SOX6: variants seen among roughly 807,000 people sequenced by gnomAD.
The protein encoded by SOX6 is transcription factor SOX-6.
SOX6 carries 11 observed loss-of-function variants against 97.8 expected under a neutral mutation model. That is an observed-to-expected ratio of 0.11 (90% CI 0.07 to 0.19). The LOEUF is 0.19. SOX6 is among the 10% of genes least tolerant of loss of function. The probability of loss-of-function intolerance (pLI) is 1.00; values close to 1 mark genes in which losing one functional copy is unlikely to be tolerated. For synonymous variants in SOX6, 360 were observed against 371.4 expected (o/e 0.97, Z 0.35); for missense variants, 810 against 1,039.5 (o/e 0.78, Z 3.04).
chr11:16,423,199 T>C lies in SOX6; in HGVS notation c.-5+53116A>G, dbSNP rs554741703. Among the ~76,000 whole-genome samples, 9 of 152,312 alleles carry C rather than the reference T, an allele frequency of 5.9e-5. No homozygotes were observed. The East Asian group carries it at 1.5e-3, about 26-fold the overall frequency. The stretch of plus-strand genomic sequence containing the variant: ...GCTTTTCTTTGAACAGACAAGCTCC[T>C]CACTCTTCAAGGCCTTTCTATACAT... On this transcript the variant is annotated intron_variant, in intron 1 of 15. Coordinates refer to the SOX6 transcript ENST00000396356.
intron 3 of SOX6, among the ~76,000 whole-genome samples, chr11:16,638,195 G>T (rs1047282319): frequency 2.6e-5 from 4 of 151,642 alleles, no homozygotes; most frequent in Non-Finnish European, 5.9e-5. Context: ...TGAGAATGAT[G>T]GTTTCCAGCT....
At chr11:16,250,388 T>A (rs991342227) in intron 3 of SOX6, among the ~76,000 whole-genome samples, 2 of 152,172 alleles carry the variant, frequency 1.3e-5, no homozygotes, top group Non-Finnish European at 2.9e-5. Context: ...TTAGAAATTA[T>A]ATCACATATA....
intron 15 of SOX6, among the ~76,000 whole-genome samples, chr11:15,983,356 C>G (rs1325575021): frequency 6.6e-6 from 1 of 151,916 alleles, no homozygotes; most frequent in East Asian, 1.9e-4. Context: ...TTCATAATAG[C>G]TAAGTAATAA....
chr11:16,037,007 C>T (rs1027838742), intron 12 of SOX6, among the ~76,000 whole-genome samples: 1 of 152,114 alleles, frequency 6.6e-6, no homozygotes, highest in Admixed American at 6.6e-5. Flanking sequence ...TTTTAGCAGA[C>T]TTTTAAAAAT....
chr11:16,703,037 T>C (rs1210010357), intron 3 of SOX6, among the ~76,000 whole-genome samples: 5 of 151,612 alleles, frequency 3.3e-5, no homozygotes, highest in Non-Finnish European at 7.4e-5. Flanking sequence ...AAAACAATTA[T>C]TGTAAGATGA....
intron 13 of SOX6, among the ~76,000 whole-genome samples, chr11:16,003,597 G>A (rs527827582): frequency 3.2e-4 from 48 of 152,028 alleles, no homozygotes; most frequent in Non-Finnish European, 6.9e-4. Context: ...AGCCAGGATG[G>A]CATAAGGTAA....
chr11:16,632,870 C>T (rs769206554), intron 3 of SOX6, among the ~76,000 whole-genome samples: 1 of 152,200 alleles, frequency 6.6e-6, no homozygotes, highest in Non-Finnish European at 1.5e-5. Context: ...GGCTTCTGAA[C>T]CAGGCAAGCA....
At chr11:16,255,994 C>A (rs1480574242) in intron 3 of SOX6, among the ~76,000 whole-genome samples, 1 of 151,952 alleles carries the variant, frequency 6.6e-6, no homozygotes, top group Non-Finnish European at 1.5e-5. Flanking sequence ...TTGAAAGATA[C>A]AATCTGCAAC....
intron 4 of SOX6, among the ~76,000 whole-genome samples, chr11:16,203,662 T>A (rs1473379529): frequency 1.3e-5 from 2 of 152,148 alleles, no homozygotes; most frequent in African/African-American, 4.8e-5. Flanking sequence ...TGCCTACATA[T>A]ACACTTTTGT....
chr11:16,307,152 G>C (rs961546007), intron 3 of SOX6, among the ~76,000 whole-genome samples: 9 of 152,160 alleles, frequency 5.9e-5, no homozygotes, highest in African/African-American at 2.2e-4. Context: ...AGAGTAATAT[G>C]TTAGGATTTT....
chr11:16,534,793 A>C (rs1861283118), intron 4 of SOX6, among the ~76,000 whole-genome samples: 1 of 152,172 alleles, frequency 6.6e-6, no homozygotes, highest in South Asian at 2.1e-4. Context: ...AGGGCCAAGC[A>C]AGAGACATTT....
In SOX6 at chr11:15,972,774, T is replaced by G. The variant is rs1853355641; in HGVS notation, c.*35A>C. On this transcript the variant is annotated 3_prime_UTR_variant, in exon 16 of 16. Coordinates refer to ENST00000683767, the MANE Select transcript of SOX6 (RefSeq NM_001367873.1). ...CTCTTTGTTGGGGAGGGGGGTGAAA[T>G]GTCAGAGTACTTTAATTCAGCAAAC... The G allele has an allele frequency of 1.9e-6, 3 of 1,612,468 alleles. No individual in the cohort carries two copies. Among genetic ancestry groups the G allele is most frequent in the Non-Finnish European group, 2.5e-6 (3 of 1,178,634 alleles).
At chr11:16,419,720 A>G (rs754729313) in intron 1 of SOX6, among the ~76,000 whole-genome samples, 12 of 152,168 alleles carry the variant, frequency 7.9e-5, no homozygotes, top group Non-Finnish European at 1.8e-4. Context: ...TTTCCTATCC[A>G]TAAACTGTTA....
chr11:16,497,844 G>A (rs4259791), intron 4 of SOX6, among the ~76,000 whole-genome samples: 26,783 of 152,164 alleles, frequency 0.18, 2,758 homozygotes, highest in Admixed American at 0.31. Flanking sequence ...CGTCTGATTC[G>A]TGTACCTGAA....
At chr11:16,142,745 G>A (rs1429591658) in intron 6 of SOX6, among the ~76,000 whole-genome samples, 1 of 152,058 alleles carries the variant, frequency 6.6e-6, no homozygotes, top group African/African-American at 2.4e-5. Flanking sequence ...GGAATAAAGG[G>A]TATCAGTGAT....
chr11:16,594,684 CTT>C (rs10653599), intron 4 of SOX6, among the ~76,000 whole-genome samples: 6 of 68,266 alleles, frequency 8.8e-5, no homozygotes, highest in East Asian at 4.9e-4. Flanking sequence ...TCGGTTTTTG[CTT>C]TTTTTTTTTT....
At chr11:16,199,865 C>G (rs933873654) in intron 4 of SOX6, among the ~76,000 whole-genome samples, 1 of 152,024 alleles carries the variant, frequency 6.6e-6, no homozygotes, top group African/African-American at 2.4e-5. Context: ...ATTTAGAAGG[C>G]AGAATCAACT....
chr11:16,728,553 C>T (rs1040655901), intron 2 of SOX6, among the ~76,000 whole-genome samples: 1 of 152,152 alleles, frequency 6.6e-6, no homozygotes, highest in Admixed American at 6.5e-5. Flanking sequence ...GAAACGACGT[C>T]CACACAGAAA....
At chr11:16,339,660 T>C (rs939177494) in intron 2 of SOX6, among the ~76,000 whole-genome samples, 1 of 152,056 alleles carries the variant, frequency 6.6e-6, no homozygotes, top group Non-Finnish European at 1.5e-5. Flanking sequence ...TCCCAGACTA[T>C]AAACTCCATG....
Sources: allele counts gnomAD v4.1 joint callset (sites outside exome capture counted in the v4.1 genomes callset), GRCh38; gene constraint gnomAD v4.1.1; transcripts MANE v1.5; gene names NCBI Gene and HGNC (gene_info 2026-07-23, HGNC 2026-07-21).